SLC35F4: variants seen among roughly 807,000 people sequenced by gnomAD.
The protein encoded by SLC35F4 is chromosome 14 open reading frame 36.
A neutral mutation model predicts 44.2 loss-of-function variants in SLC35F4; 24 were observed. The observed-to-expected ratio is 0.54, with a 90% CI of 0.39 to 0.76. SLC35F4 has a LOEUF of 0.76. Among genes scored for constraint, SLC35F4 ranks in the 30% least tolerant of loss-of-function variants. The pLI is 0.00. For synonymous variants in SLC35F4, 238 were observed against 223.6 expected, an observed-to-expected ratio of 1.06 and a Z score of -0.57; for missense variants, 562 against 586.1, an observed-to-expected ratio of 0.96 and a Z score of 0.42.
At position 57,589,416 on chromosome 14, in the gene SLC35F4, G is replaced by C. The variant is rs1023599228; in HGVS notation, c.387C>G (p.Ile129Met). The C allele has an allele frequency of 3.5e-5, 57 of 1,613,834 alleles. No homozygotes were observed. Among genetic ancestry groups the C allele is most frequent in the Non-Finnish European group, 4.7e-5 (55 of 1,179,882 alleles). The change falls in exon 3 of 8, where the codon ATC (isoleucine) becomes ATG (methionine). Residue 129 changes from isoleucine (I) to methionine (M), a missense_variant. Transcript: ENST00000556826. ...CTGACAAGATGATCAAGAGTCCCCA[G>C]ATGCCCTTCAGAACCATGGACGTGC... is the stretch of plus-strand genomic sequence containing the variant. ...LSCTSMVLKGIWGLLIILSVS... is the reference protein window; with the variant it reads ...LSCTSMVLKGMWGLLIILSVS...
chr14:57,698,285 C>T (rs2075440365), intron 1 of SLC35F4, among the ~76,000 whole-genome samples: 1 of 152,146 alleles, frequency 6.6e-6, no homozygotes, highest in Admixed American at 6.5e-5. Flanking sequence ...TACAAACTCA[C>T]TGTGATAAAG....
chr14:57,759,831 C>G (rs920452449), intron 1 of SLC35F4, among the ~76,000 whole-genome samples: 2 of 150,066 alleles, frequency 1.3e-5, no homozygotes, highest in African/African-American at 2.4e-5. Flanking sequence ...AATCTCTATT[C>G]AAGTTCTTTG....
At chr14:57,842,127 T>C (rs1330242286) in intron 1 of SLC35F4, among the ~76,000 whole-genome samples, 1 of 152,192 alleles carries the variant, frequency 6.6e-6, no homozygotes, top group Non-Finnish European at 1.5e-5. Flanking sequence ...AATAACCATG[T>C]TTTTAAAAAG....
At chr14:57,735,554 C>T (rs2076441572) in intron 1 of SLC35F4, among the ~76,000 whole-genome samples, 1 of 152,170 alleles carries the variant, frequency 6.6e-6, no homozygotes, top group Admixed American at 6.5e-5. Flanking sequence ...CTCCAGCATG[C>T]TAGACTAGCT....
rs555866192 is a variant in SLC35F4, at chr14:57,657,525, A to G, written c.104-63401T>C. 3.3e-5 allele frequency among the ~76,000 whole-genome samples: 5 copies of G among 152,272 alleles called. No homozygotes were observed. In the South Asian group the frequency reaches 1.0e-3, roughly 32 times the overall value. ...AGTAAACGTTGCTAGAAAGACTGTC[A>G]CAATACCATGCATGCATCATTTCCC... On this transcript the variant is annotated intron_variant, in intron 1 of 7. Transcript: ENST00000556826.
intron 4 of SLC35F4, among the ~76,000 whole-genome samples, chr14:57,579,835 C>T (rs1566637805): frequency 2.0e-5 from 3 of 152,146 alleles, no homozygotes; most frequent in Non-Finnish European, 4.4e-5. Context: ...GCTCAGTGCT[C>T]TGTTGTTGTT....
At chr14:57,961,450 A>G (rs77761237) in intron 1 of SLC35F4, among the ~76,000 whole-genome samples, 1,589 of 152,246 alleles carry the variant, frequency 0.01, 42 homozygotes, top group East Asian at 0.1. Context: ...AGGGCAAGTC[A>G]CACTCCTTAG....
chr14:57,960,411 C>A (rs989770600), intron 1 of SLC35F4, among the ~76,000 whole-genome samples: 5 of 152,234 alleles, frequency 3.3e-5, no homozygotes, highest in Admixed American at 2.0e-4. Context: ...AGGGGACCCA[C>A]CTTTCTGAAA....
intron 1 of SLC35F4, among the ~76,000 whole-genome samples, chr14:57,667,538 C>T (rs1183765432): frequency 6.8e-6 from 1 of 147,644 alleles, no homozygotes; most frequent in Admixed American, 6.8e-5. Context: ...CCTGTGTCCA[C>T]ATGTTCTCAA....
At chr14:57,675,946 C>A (rs967599679) in intron 1 of SLC35F4, among the ~76,000 whole-genome samples, 1 of 151,848 alleles carries the variant, frequency 6.6e-6, no homozygotes, top group African/African-American at 2.4e-5. Flanking sequence ...AAAGCAAATG[C>A]AACAACAACA....
chr14:57,722,198 A>G (rs2076101911), intron 1 of SLC35F4, among the ~76,000 whole-genome samples: 1 of 152,148 alleles, frequency 6.6e-6, no homozygotes, highest in Admixed American at 6.5e-5. Flanking sequence ...CCCATTAAGT[A>G]GGGACTCTGC....
intron 1 of SLC35F4, among the ~76,000 whole-genome samples, chr14:57,924,213 G>A (rs1889500446): frequency 6.6e-6 from 1 of 152,314 alleles, no homozygotes; most frequent in African/African-American, 2.4e-5. Flanking sequence ...TCAGCAGTGT[G>A]AGAATGAACC....
At chr14:57,889,324 C>T (rs764266409) in intron 1 of SLC35F4, among the ~76,000 whole-genome samples, 10 of 152,310 alleles carry the variant, frequency 6.6e-5, no homozygotes, top group East Asian at 1.9e-4. Flanking sequence ...CGGGGAAGCA[C>T]GAGCCATCTT....
intron 1 of SLC35F4, among the ~76,000 whole-genome samples, chr14:57,839,636 G>A (rs1885295192): frequency 1.3e-5 from 2 of 152,044 alleles, no homozygotes; most frequent in Non-Finnish European, 2.9e-5. Context: ...AGAAAGAATA[G>A]CTAATGGGGG....
At chr14:57,798,330 A>AGTGTGTAAAATGACACTT (rs2078105434) in intron 1 of SLC35F4, among the ~76,000 whole-genome samples, 2 of 152,128 alleles carry the variant, frequency 1.3e-5, no homozygotes, top group African/African-American at 4.8e-5. Context: ...CATGGTCACA[A>AGTGTGTAAAATGACACTT]GTGTGTAAAA....
intron 1 of SLC35F4, among the ~76,000 whole-genome samples, chr14:57,773,455 A>G (rs1335878941): frequency 2.0e-5 from 3 of 152,028 alleles, no homozygotes; most frequent in Non-Finnish European, 4.4e-5. Flanking sequence ...TACATTTAGT[A>G]CGGAATAAAG....
rs150380688 is a variant in SLC35F4, at chr14:57,834,012, T to G, written c.103+31711A>C. Among the ~76,000 whole-genome samples, 41 of 152,318 alleles carry G rather than the reference T, an allele frequency of 2.7e-4. 1 individual carries two copies. The highest frequency in any genetic ancestry group is 9.4e-4 in the African/African-American group (39 of 41,570). On this transcript the variant is annotated intron_variant, in intron 1 of 7. Coordinates refer to ENST00000556826, the MANE Select transcript of SLC35F4 (RefSeq NM_001306087.2). Reference sequence around the variant, plus strand: ...CTATTTACAAAACCTTGTGCTGAATTAAGTGAAACACAAATGAAACAACCC... The same window carrying G: ...CTATTTACAAAACCTTGTGCTGAATGAAGTGAAACACAAATGAAACAACCC...
chr14:57,697,643 G>A (rs1199861418), intron 1 of SLC35F4, among the ~76,000 whole-genome samples: 1 of 151,218 alleles, frequency 6.6e-6, no homozygotes, highest in Non-Finnish European at 1.5e-5. Flanking sequence ...AGAGGTTGCA[G>A]TGAACTGTGA....
At chr14:57,725,736 C>T (rs1273981787) in intron 1 of SLC35F4, among the ~76,000 whole-genome samples, 1 of 152,168 alleles carries the variant, frequency 6.6e-6, no homozygotes, top group Non-Finnish European at 1.5e-5. Context: ...CAATACTTTG[C>T]AGGGCTGGGG....
Sources: allele counts gnomAD v4.1 joint callset (sites outside exome capture counted in the v4.1 genomes callset), GRCh38; gene constraint gnomAD v4.1.1; transcripts MANE v1.5; gene names NCBI Gene and HGNC (gene_info 2026-07-23, HGNC 2026-07-21).